The following NFASC variants were observed in gnomAD, a reference collection of about 807,000 sequenced individuals.
NFASC encodes the protein neurofascin homolog.
NFASC carries 43 observed loss-of-function variants against 147.5 expected under a neutral mutation model. The observed-to-expected ratio is 0.29, with a 90% CI of 0.23 to 0.38. The LOEUF (loss-of-function observed/expected upper bound fraction) is 0.38, where lower values mean the gene tolerates loss of function less well. NFASC is among the 10% of genes least tolerant of loss of function. The pLI is 1.00. For missense variants in NFASC, 1,320 were observed against 1,689.0 expected, an observed-to-expected ratio of 0.78 and a Z score of 3.83; for synonymous variants, 622 against 665.5, an observed-to-expected ratio of 0.93 and a Z score of 1.01.
intron 2 of NFASC, among the ~76,000 whole-genome samples, chr1:204,939,272 T>C (rs78435415): frequency 6.6e-6 from 1 of 152,106 alleles, no homozygotes; most frequent in East Asian, 1.9e-4. Context: ...ACAGCCTGCC[T>C]CTTATGTTAT....
chr1:205,015,158 A>G lies in NFASC; in HGVS notation c.3492-1150A>G, dbSNP rs538090411. Among the ~76,000 whole-genome samples, 1 of 152,276 alleles carries G rather than the reference A, an allele frequency of 6.6e-6. No individual in the cohort carries two copies. The highest frequency in any genetic ancestry group is 2.1e-4 in the South Asian group (1 of 4,820). ...GAAGTGAGAACGCACTGCCCACTATAATGGCAACTCAGCTGGTTGTCTTCC... is the reference window on the plus strand; with the variant it reads ...GAAGTGAGAACGCACTGCCCACTATGATGGCAACTCAGCTGGTTGTCTTCC... On this transcript the variant is annotated intron_variant, in intron 29 of 29. Transcript: ENST00000339876. This position sits in a 1 kb window ranked among gnomAD's most constrained non-coding sequence, Gnocchi z 4.0.
rs528187686 is a variant in NFASC at position 205,007,083 on chromosome 1, G to C, written c.3290-2474G>C. 3.9e-5 allele frequency among the ~76,000 whole-genome samples: 6 copies of C among 152,072 alleles called. No homozygotes were observed. In the South Asian group the frequency reaches 1.2e-3, roughly 32 times the overall value. On this transcript the variant is annotated intron_variant, in intron 27 of 29. Coordinates refer to ENST00000339876, the MANE Select transcript of NFASC (RefSeq NM_001005388.3). ...TTGTCGGGAGCTGGAGGGGGTGGAA[G>C]AGCATAGAGCGTACCAATTAAGAGG...
intron 1 of NFASC, among the ~76,000 whole-genome samples, chr1:204,878,501 C>T (rs1453782351): frequency 2.6e-5 from 4 of 152,174 alleles, no homozygotes; most frequent in Non-Finnish European, 5.9e-5. Flanking sequence ...CTGGAGTTCC[C>T]CTGATAATTT....
intron 1 of NFASC, among the ~76,000 whole-genome samples, chr1:204,863,187 G>A (rs1462846598): frequency 6.6e-6 from 1 of 152,144 alleles, no homozygotes; most frequent in African/African-American, 2.4e-5. Flanking sequence ...CAGGGTCAGC[G>A]GAATTTCAGA....
chr1:204,854,781 G>A (rs1018989067), intron 1 of NFASC, among the ~76,000 whole-genome samples: 3 of 152,200 alleles, frequency 2.0e-5, no homozygotes, highest in African/African-American at 7.2e-5. Flanking sequence ...TCCCTGTTCA[G>A]TACCCTGGCA....
rs535024193 is a variant in NFASC at position 204,946,863 on chromosome 1, G to A, written c.91+2457G>A. 2.0e-4 allele frequency: 92 copies of A among 469,942 alleles called. 1 individual carries two copies. The East Asian group carries it at 4.9e-3, about 25-fold the overall frequency. 29.1% of individuals were successfully genotyped at this position (469,942 alleles called of 1,614,324 possible). A position where few individuals can be genotyped will look rare whatever the true frequency, so the allele number is the denominator to read the frequency against. Reference sequence around the variant, plus strand: ...CCCACAAGACCAAGCGAGGCCAGCCGCCCTGGACCGCCTCATGGTGTGTGA... The same window carrying A: ...CCCACAAGACCAAGCGAGGCCAGCCACCCTGGACCGCCTCATGGTGTGTGA... On this transcript the variant is annotated intron_variant, in intron 3 of 29. Transcript: ENST00000339876.
At chr1:204,951,857 C>T (rs1470357267) in intron 4 of NFASC, 154 bp from the exon 5 acceptor site, 1 of 591,312 alleles carries the variant, frequency 1.7e-6, no homozygotes, top group Non-Finnish European at 3.1e-6. Context: ...GGAGCTGGGT[C>T]TCTAGAATGG....
intron 27 of NFASC, among the ~76,000 whole-genome samples, chr1:205,006,785 G>A (rs2096121058): frequency 1.3e-5 from 2 of 152,182 alleles, no homozygotes; most frequent in African/African-American, 4.8e-5. Flanking sequence ...TGTGGCCTGT[G>A]GCAGCAGCAG....
chr1:204,929,826 A>T (rs1056984559), intron 2 of NFASC, among the ~76,000 whole-genome samples: 2 of 151,926 alleles, frequency 1.3e-5, no homozygotes, highest in Non-Finnish European at 2.9e-5. Flanking sequence ...TCTCTTTGGG[A>T]TGGGCTAGGC....
At chr1:204,909,536 A>G (rs1303549090) in intron 1 of NFASC, among the ~76,000 whole-genome samples, 2 of 152,200 alleles carry the variant, frequency 1.3e-5, no homozygotes, top group South Asian at 2.1e-4. Context: ...CCCACTCGTC[A>G]TCTTCTTTCG....
rs1396028577 is a variant in NFASC, at chr1:204,986,650, A to G, written c.2471-768A>G. On this transcript the variant is annotated intron_variant, in intron 21 of 29. Transcript: ENST00000339876. This position sits in a 1 kb window ranked among gnomAD's most constrained non-coding sequence, Gnocchi z 4.2. ...TCAAAACCCCTATTTTTTGTTTCACATAAATTCAAGTTCATGAATTAACAG... is the reference window on the plus strand; with the variant it reads ...TCAAAACCCCTATTTTTTGTTTCACGTAAATTCAAGTTCATGAATTAACAG... 1 of 158,304 alleles carries G rather than the reference A, an allele frequency of 6.3e-6. No homozygotes were observed. 9.8% of individuals were successfully genotyped at this position (158,304 alleles called of 1,614,324 possible). A position where few individuals can be genotyped will look rare whatever the true frequency, so the allele number is the denominator to read the frequency against.
chr1:204,904,985 T>A (rs1218770525), intron 1 of NFASC, among the ~76,000 whole-genome samples: 2 of 152,216 alleles, frequency 1.3e-5, no homozygotes, highest in Non-Finnish European at 2.9e-5. Flanking sequence ...TTAGCAAATG[T>A]CTAATCTTAT....
At chr1:204,950,510 T>C (rs981650445) in intron 3 of NFASC, 47 bp from the exon 4 acceptor site, 1 of 1,591,108 alleles carries the variant, frequency 6.3e-7, no homozygotes. Flanking sequence ...TGCATAACGA[T>C]GTTCTTCTTT....
rs375955453 is a variant in NFASC at position 204,869,619 on chromosome 1, C to A, written c.-200+40837C>A. Among the ~76,000 whole-genome samples, 331 of 152,220 alleles carry A rather than the reference C, an allele frequency of 2.2e-3. 2 individuals are homozygous for A. The highest frequency in any genetic ancestry group is 7.7e-3 in the African/African-American group (320 of 41,534). Reference sequence around the variant, plus strand: ...CTGTCATTTAGAGAATCTTTGTACTCAAGTTGACTGTGATCCCAGTTGTAC... The same window carrying A: ...CTGTCATTTAGAGAATCTTTGTACTAAAGTTGACTGTGATCCCAGTTGTAC... On this transcript the variant is annotated intron_variant, in intron 1 of 29. Coordinates refer to ENST00000339876, the MANE Select transcript of NFASC (RefSeq NM_001005388.3).
rs141939311 is a variant in NFASC, at chr1:204,843,587, TCTTCCTTCCTTC to T, written c.-200+14836_-200+14847del. Among the ~76,000 whole-genome samples the T allele has an allele frequency of 7.5e-3, 907 of 120,490 alleles. 21 individuals carry two copies. The highest frequency in any genetic ancestry group is 0.027 in the African/African-American group (779 of 28,530). The allele number at this position is 120,490 out of a possible 152,430, so 79.0% of individuals were successfully genotyped here. A position where few individuals can be genotyped will look rare whatever the true frequency, so the allele number is the denominator to read the frequency against. Reference sequence around the variant, plus strand: ...TCCCTTCTCTCCTTCCTTCTTTCCTTCTTCCTTCCTTCCTTCCTTCCTTCCTTCCTTCCTTCC... The same window carrying T: ...TCCCTTCTCTCCTTCCTTCTTTCCTTCTTCCTTCCTTCCTTCCTTCCTTCC... On this transcript the variant is annotated intron_variant, in intron 1 of 29. Transcript: ENST00000339876.
chr1:204,873,646 A>G (rs940678134), intron 1 of NFASC, among the ~76,000 whole-genome samples: 1 of 151,902 alleles, frequency 6.6e-6, no homozygotes, highest in African/African-American at 2.4e-5. Context: ...TCTGCGGGTC[A>G]TGTGTGCTAG....
chr1:204,876,325 A>G (rs1322957770), intron 1 of NFASC, among the ~76,000 whole-genome samples: 1 of 152,116 alleles, frequency 6.6e-6, no homozygotes, highest in African/African-American at 2.4e-5. Flanking sequence ...GCCCCTGCAT[A>G]TTTTAAGGAT....
At position 204,954,114 on chromosome 1, in the gene NFASC, G is replaced by T; in HGVS notation, c.216-74G>T. On this transcript the variant is annotated intron_variant, in intron 5 of 29. Coordinates refer to ENST00000339876, the MANE Select transcript of NFASC (RefSeq NM_001005388.3). This position sits in a 1 kb window ranked among gnomAD's most constrained non-coding sequence, Gnocchi z 5.7. The stretch of plus-strand genomic sequence containing the variant: ...AATTTTGGTACTGAGCCAGGGACTA[G>T]GGATCTGAGATCTGCCTGGAGCCCA... The T allele has an allele frequency of 7.2e-7, 1 of 1,380,026 alleles. No individual in the cohort carries two copies. Among genetic ancestry groups the T allele is most frequent in the South Asian group, 1.2e-5 (1 of 84,274 alleles). The allele number at this position is 1,380,026 out of a possible 1,614,324, so 85.5% of individuals were successfully genotyped here.
chr1:204,994,371 A>G (rs2095802699), intron 24 of NFASC, among the ~76,000 whole-genome samples: 1 of 152,240 alleles, frequency 6.6e-6, no homozygotes, highest in Non-Finnish European at 1.5e-5. Context: ...AGGGCCGGTG[A>G]GGAAAATGCT....
Sources: gnomAD v4.1 joint callset for allele counts (sites outside exome capture counted in the v4.1 genomes callset) on GRCh38, gnomAD v4.1.1 for gene constraint, Gnocchi (gnomAD v3.1) non-coding constraint, MANE v1.5 for transcripts, NCBI Gene and HGNC (gene_info 2026-07-23, HGNC 2026-07-21) for gene names.